CAMTA1: variants seen among roughly 807,000 people sequenced by gnomAD.
CAMTA1 encodes the protein calmodulin binding transcription activator 1.
In CAMTA1, 27 loss-of-function variants were observed where a neutral mutation model predicts 170.9. That is an observed-to-expected ratio of 0.16 (90% CI 0.12 to 0.22). The LOEUF (loss-of-function observed/expected upper bound fraction) is 0.22, where lower values mean the gene tolerates loss of function less well. Ranked by LOEUF, CAMTA1 falls within the 10% of genes least tolerant of loss-of-function variation. The probability of loss-of-function intolerance (pLI) is 1.00; values close to 1 mark genes in which losing one functional copy is unlikely to be tolerated. For synonymous variants in CAMTA1, 833 were observed against 891.5 expected (o/e 0.93, Z 1.17); for missense variants, 1,619 against 2,217.2 (o/e 0.73, Z 5.42).
intron 3 of CAMTA1, among the ~76,000 whole-genome samples, chr1:7,090,422 C>T (rs1246443954): frequency 6.6e-6 from 1 of 152,146 alleles, no homozygotes; most frequent in African/African-American, 2.4e-5. Flanking sequence ...GCAGGAGCTG[C>T]GTGTTGTAGC....
intron 5 of CAMTA1, among the ~76,000 whole-genome samples, chr1:7,402,732 G>A (rs1409498130): frequency 6.6e-6 from 1 of 152,200 alleles, no homozygotes; most frequent in Non-Finnish European, 1.5e-5. Flanking sequence ...GAAGAGTGGT[G>A]AGCAGAAGCT....
At chr1:7,491,057 A>G (rs1004173127) in intron 6 of CAMTA1, among the ~76,000 whole-genome samples, 2 of 152,174 alleles carry the variant, frequency 1.3e-5, no homozygotes, top group Non-Finnish European at 2.9e-5. Flanking sequence ...CAAATAACCT[A>G]ATGAAACTCC....
chr1:7,525,448 G>GT (rs1305159659), intron 6 of CAMTA1, among the ~76,000 whole-genome samples: 4 of 151,650 alleles, frequency 2.6e-5, no homozygotes, highest in South Asian at 4.2e-4. Context: ...TCTTGTGTGT[G>GT]TTTTTTTTAA....
At chr1:6,993,416 C>T (rs1170799251) in intron 3 of CAMTA1, among the ~76,000 whole-genome samples, 5 of 152,078 alleles carry the variant, frequency 3.3e-5, no homozygotes, top group Non-Finnish European at 5.9e-5. Flanking sequence ...TTTTGCACAT[C>T]TTTTCCTGAA....
intron 5 of CAMTA1, among the ~76,000 whole-genome samples, chr1:7,318,512 G>A (rs370102137): frequency 9.2e-5 from 14 of 152,182 alleles, no homozygotes; most frequent in East Asian, 5.8e-4. Flanking sequence ...CCAGAGCTAC[G>A]TATTTCTGAT....
chr1:7,492,980 C>T (rs1425757724), intron 6 of CAMTA1, among the ~76,000 whole-genome samples: 3 of 146,620 alleles, frequency 2.0e-5, no homozygotes, highest in Non-Finnish European at 4.5e-5. Flanking sequence ...CGCTCAAACA[C>T]AAACATACAA....
intron 11 of CAMTA1, among the ~76,000 whole-genome samples, chr1:7,707,749 T>C (rs569070286): frequency 6.6e-6 from 1 of 152,358 alleles, no homozygotes; most frequent in South Asian, 2.1e-4. Flanking sequence ...GAAGTGCTTA[T>C]TAGCCTGCTG....
At chr1:7,661,928 C>T (rs955497108) in intron 8 of CAMTA1, 62 bp downstream of exon 8, 55 of 1,533,070 alleles carry the variant, frequency 3.6e-5, no homozygotes, top group African/African-American at 2.5e-4. Context: ...ACCAGGCAGC[C>T]GTCATGGCTG....
At chr1:7,520,212 T>TC (rs1417801434) in intron 6 of CAMTA1, among the ~76,000 whole-genome samples, 1 of 188 alleles carries the variant, frequency 5.3e-3, no homozygotes, top group Admixed American at 0.056. Flanking sequence ...CTCCTCCTCC[T>TC]CCTCCTCCTC....
At chr1:7,053,637 A>C (rs1706819175) in intron 3 of CAMTA1, among the ~76,000 whole-genome samples, 2 of 147,668 alleles carry the variant, frequency 1.4e-5, no homozygotes, top group African/African-American at 2.5e-5. Flanking sequence ...TTCCTCCCTC[A>C]CTCCACTCTG....
At chr1:6,977,186 C>T (rs759160700) in intron 3 of CAMTA1, among the ~76,000 whole-genome samples, 4 of 152,086 alleles carry the variant, frequency 2.6e-5, no homozygotes, top group African/African-American at 4.8e-5. Context: ...TTGCAACCTG[C>T]GGAGGACATC....
chr1:7,463,868 C>A lies in CAMTA1; in HGVS notation c.439-3962C>A, dbSNP rs1296808412. Among the ~76,000 whole-genome samples the A allele has an allele frequency of 6.6e-6, 1 of 152,248 alleles. No individual in the cohort carries two copies. Among genetic ancestry groups the A allele is most frequent in the African/African-American group, 2.4e-5 (1 of 41,468 alleles). ...CACTGCGTTTGAGGGGGCTCTGCGG[C>A]CATGCTCCCTTCAGAAACGCCACTT... On this transcript the variant is annotated intron_variant, in intron 5 of 22. Transcript: ENST00000303635. This position sits in a 1 kb window ranked among gnomAD's most constrained non-coding sequence, Gnocchi z 4.7.
intron 2 of CAMTA1, among the ~76,000 whole-genome samples, chr1:6,823,532 A>C (rs910732012): frequency 6.6e-6 from 1 of 152,196 alleles, no homozygotes; most frequent in Non-Finnish European, 1.5e-5. Flanking sequence ...TATGTAGTTC[A>C]TGGACCAAAA....
chr1:7,103,860 TACAC>T (rs780708424), intron 4 of CAMTA1, among the ~76,000 whole-genome samples: 3 of 4,756 alleles, frequency 6.3e-4, no homozygotes, highest in African/African-American at 2.7e-3. Context: ...ACAACACACA[TACAC>T]ACACACACAA....
chr1:7,669,040 T>A (rs2096030089), intron 9 of CAMTA1, among the ~76,000 whole-genome samples: 1 of 152,134 alleles, frequency 6.6e-6, no homozygotes, highest in Non-Finnish European at 1.5e-5. Context: ...CAAATATCCC[T>A]GGGCATCAGA....
At chr1:7,432,721 G>A (rs147010064) in intron 5 of CAMTA1, among the ~76,000 whole-genome samples, 123 of 152,370 alleles carry the variant, frequency 8.1e-4, no homozygotes, top group Admixed American at 1.3e-3. Context: ...TCTGTTGTCT[G>A]AGCTCCACTC....
intron 11 of CAMTA1, among the ~76,000 whole-genome samples, chr1:7,684,668 C>T (rs759385907): frequency 1.3e-5 from 2 of 152,192 alleles, no homozygotes; most frequent in South Asian, 2.1e-4. Flanking sequence ...CAACCCCATC[C>T]GGTGTGAACC....
intron 4 of CAMTA1, among the ~76,000 whole-genome samples, chr1:7,107,870 G>A (rs1056489833): frequency 5.9e-5 from 9 of 152,212 alleles, no homozygotes; most frequent in Non-Finnish European, 1.3e-4. Flanking sequence ...TCAAGCTAAT[G>A]GGACCATAAA....
At chr1:6,871,660 A>C (rs1421524175) in intron 3 of CAMTA1, 3 of 1,042,100 alleles carry the variant, frequency 2.9e-6, no homozygotes, top group Non-Finnish European at 4.2e-6. Flanking sequence ...CGACATCAGG[A>C]ATGATGGGGT....
Sources: gnomAD v4.1 joint callset for allele counts (sites outside exome capture counted in the v4.1 genomes callset) on GRCh38, gnomAD v4.1.1 for gene constraint, Gnocchi (gnomAD v3.1) non-coding constraint, MANE v1.5 for transcripts, NCBI Gene and HGNC (gene_info 2026-07-23, HGNC 2026-07-21) for gene names.